ANOS1: variants seen among roughly 807,000 people sequenced by gnomAD.
The protein encoded by ANOS1 is anosmin 1, also known as anosmin-1.
Under a neutral mutation model 59.0 loss-of-function variants are expected in ANOS1, and 6 were observed. The ratio of observed to expected loss-of-function variants is 0.10; its 90% CI spans 0.06 to 0.20. ANOS1 has a LOEUF of 0.20. Ranked by LOEUF, ANOS1 falls within the 10% of genes least tolerant of loss-of-function variation. The pLI, the probability that ANOS1 is intolerant of heterozygous loss-of-function variation, is 1.00. For missense variants in ANOS1, 433 were observed against 542.3 expected (o/e 0.80, Z 2.00); for synonymous variants, 217 against 223.4 (o/e 0.97, Z 0.25).
intron 3 of ANOS1, among the ~76,000 whole-genome samples, chrX:8,608,571 A>G (rs1257020070): frequency 8.9e-6 from 1 of 111,986 alleles, no homozygotes; most frequent in East Asian, 2.8e-4. Flanking sequence ...ACACTACTAT[A>G]TTATACCACT....
At chrX:8,706,530 G>T (rs183246741) in intron 1 of ANOS1, among the ~76,000 whole-genome samples, 1 of 112,112 alleles carries the variant, frequency 8.9e-6, no homozygotes, top group East Asian at 2.8e-4. Context: ...AAAGTGAAGC[G>T]TATGTAAACT....
Position 8,671,998 on chromosome X carries a change from A to G in ANOS1, c.255+27700T>C, listed in dbSNP as rs1932263229. 2.7e-5 allele frequency among the ~76,000 whole-genome samples: 3 copies of G among 111,008 alleles called. No individual in the cohort carries two copies. In the South Asian group the frequency reaches 1.1e-3, roughly 42 times the overall value. On this transcript the variant is annotated intron_variant, in intron 2 of 13. Coordinates refer to ENST00000262648, the MANE Select transcript of ANOS1 (RefSeq NM_000216.4). ...TTAACTATAGCCACCATGTTGTACA[A>G]TAGATTTCTTGACCTTACTCCTCCT...
intron 2 of ANOS1, among the ~76,000 whole-genome samples, chrX:8,641,951 A>C (rs1931672567): frequency 9.0e-6 from 1 of 111,496 alleles, no homozygotes; most frequent in South Asian, 3.7e-4. Context: ...TAATATTGTA[A>C]TGTAATTCTA....
At chrX:8,709,030 G>A (rs974198902) in intron 1 of ANOS1, among the ~76,000 whole-genome samples, 3 of 110,421 alleles carry the variant, frequency 2.7e-5, no homozygotes, top group African/African-American at 3.3e-5. Context: ...ACCAAACACC[G>A]CAAGTTCTCA....
At chrX:8,705,001 C>A (rs1308830427) in intron 1 of ANOS1, among the ~76,000 whole-genome samples, 1 of 111,224 alleles carries the variant, frequency 9.0e-6, no homozygotes, top group Non-Finnish European at 1.9e-5. Flanking sequence ...ATAAAACTTG[C>A]AGTAAAAGGA....
intron 9 of ANOS1, among the ~76,000 whole-genome samples, chrX:8,544,053 A>T (rs752163484): frequency 9.1e-6 from 1 of 109,401 alleles, no homozygotes; most frequent in East Asian, 2.9e-4. Flanking sequence ...ATATGCTTCA[A>T]CTATGGTTCA....
intron 2 of ANOS1, among the ~76,000 whole-genome samples, chrX:8,624,099 T>G (rs1931348761): frequency 1.0e-5 from 1 of 97,566 alleles, no homozygotes; most frequent in Admixed American, 1.2e-4. Context: ...CACTGCAACC[T>G]CCACCTCCCA....
At chrX:8,671,249 A>G (rs1190532340) in intron 2 of ANOS1, among the ~76,000 whole-genome samples, 2 of 111,582 alleles carry the variant, frequency 1.8e-5, no homozygotes, top group Non-Finnish European at 3.8e-5. Flanking sequence ...TAGGTACCAA[A>G]TAATTTTCCA....
chrX:8,556,887 A>G (rs777900831), intron 8 of ANOS1, among the ~76,000 whole-genome samples: 5 of 112,078 alleles, frequency 4.5e-5, no homozygotes, highest in Non-Finnish European at 7.5e-5. Flanking sequence ...CTAAGCAAAA[A>G]GAACAAAGCT....
At chrX:8,721,730 C>T (rs1428898757) in intron 1 of ANOS1, among the ~76,000 whole-genome samples, 2 of 112,691 alleles carry the variant, frequency 1.8e-5, no homozygotes, top group African/African-American at 3.2e-5. Flanking sequence ...GCAAGACACA[C>T]ATCCCTAAGT....
At chrX:8,569,438 A>T (rs144043860) in intron 7 of ANOS1, among the ~76,000 whole-genome samples, 27 of 112,104 alleles carry the variant, frequency 2.4e-4, no homozygotes, top group South Asian at 3.7e-4. Flanking sequence ...GTCAGGAGAT[A>T]GAGATCATCC....
intron 3 of ANOS1, among the ~76,000 whole-genome samples, chrX:8,620,129 CTT>C (rs1346447397): frequency 3.6e-5 from 4 of 111,218 alleles, no homozygotes; most frequent in Admixed American, 9.6e-5. Context: ...AATTAAAAAA[CTT>C]TTTCTATAAA....
At chrX:8,622,923 G>C (rs1321659375) in intron 3 of ANOS1, among the ~76,000 whole-genome samples, 2 of 111,819 alleles carry the variant, frequency 1.8e-5, no homozygotes, top group African/African-American at 6.5e-5. Context: ...TAGATACAAG[G>C]GTGGATGGCT....
chrX:8,597,020 G>C lies in ANOS1; in HGVS notation c.541+14C>G, dbSNP rs1482243465. ...CACTGCATGTGTCTTCACACCCCCA[G>C]TGCTGCCCCTTACCTTTGTACAGAG... On this transcript the variant is annotated intron_variant, in intron 4 of 13. Coordinates refer to ENST00000262648, the MANE Select transcript of ANOS1 (RefSeq NM_000216.4). 5.0e-6 allele frequency: 6 copies of C among 1,209,940 alleles called. No homozygotes were observed. The Admixed American group carries it at 6.6e-5, about 13-fold the overall frequency.
In ANOS1 at chrX:8,536,933, T is replaced by C. The variant is rs1289809890; in HGVS notation, c.1459A>G (p.Ile487Val). The C allele has an allele frequency of 2.5e-6, 3 of 1,202,176 alleles. No homozygotes were observed. Among genetic ancestry groups the C allele is most frequent in the African/African-American group, 3.5e-5 (2 of 57,008 alleles). ...GAAAATGACAGATCTTGAAGAATTA[T>C]GTAATTTTCCTAGAGCAAGAGAAAG... is the stretch of plus-strand genomic sequence containing the variant. ...ASSGMTHENYIILQDLSFSCK... is the reference protein window; with the variant it reads ...ASSGMTHENYVILQDLSFSCK... Residue 487 changes from isoleucine to valine, a missense_variant, in exon 11 of 14, where the codon ATA (isoleucine) becomes GTA (valine). Physicochemically the swap from Ile to Val is conservative, Grantham distance 29. Coordinates refer to ENST00000262648, the MANE Select transcript of ANOS1 (RefSeq NM_000216.4).
intron 2 of ANOS1, among the ~76,000 whole-genome samples, chrX:8,694,522 A>T (rs1204592363): frequency 8.9e-6 from 1 of 111,810 alleles, no homozygotes; most frequent in Non-Finnish European, 1.9e-5. Context: ...TACAAAAATT[A>T]GCCAGGCATG....
intron 1 of ANOS1, among the ~76,000 whole-genome samples, chrX:8,713,454 G>A (rs1046022186): frequency 4.5e-5 from 5 of 110,953 alleles, no homozygotes; most frequent in Non-Finnish European, 3.8e-5. Flanking sequence ...CCTTACACTC[G>A]TAGAATCAAA....
At chrX:8,657,631 A>G (rs150501229) in intron 2 of ANOS1, among the ~76,000 whole-genome samples, 7,388 of 108,740 alleles carry the variant, frequency 0.068, 678 homozygotes, top group African/African-American at 0.24. Flanking sequence ...ACCACGCCAA[A>G]CAGATTTTTG....
intron 8 of ANOS1, among the ~76,000 whole-genome samples, chrX:8,557,279 C>T (rs1462057025): frequency 8.9e-6 from 1 of 111,900 alleles, no homozygotes; most frequent in Non-Finnish European, 1.9e-5. Flanking sequence ...GACTTCATGA[C>T]TAAAACACCA....
Sources: allele counts gnomAD v4.1 joint callset (sites outside exome capture counted in the v4.1 genomes callset), GRCh38; gene constraint gnomAD v4.1.1; transcripts MANE v1.5; gene names NCBI Gene and HGNC (gene_info 2026-07-23, HGNC 2026-07-21).